Variants in F8 observed in about 807,000 individuals in gnomAD.
The protein encoded by F8 is antihemophilic factor.
Under a neutral mutation model 140.6 loss-of-function variants are expected in F8, and 12 were observed. That is an observed-to-expected ratio of 0.09 (90% CI 0.05 to 0.14). The LOEUF is 0.14. Ranked by LOEUF, F8 falls within the 10% of genes least tolerant of loss-of-function variation. The probability of loss-of-function intolerance (pLI) is 1.00; values close to 1 mark genes in which losing one functional copy is unlikely to be tolerated. For missense variants in F8, 1,354 were observed against 1,720.7 expected, an observed-to-expected ratio of 0.79 and a Z score of 3.77; for synonymous variants, 585 against 614.6, an observed-to-expected ratio of 0.95 and a Z score of 0.71.
chrX:154,930,148 C>T lies in F8; in HGVS notation c.3642G>A (p.Gln1214=). 1 of 1,207,941 alleles carries T rather than the reference C, an allele frequency of 8.3e-7. No individual in the cohort carries two copies. Among genetic ancestry groups the T allele is most frequent in the Non-Finnish European group, 1.1e-6 (1 of 893,556 alleles). The change falls in exon 14 of 26, where the codon CAG becomes CAA. Residue 1214 remains glutamine, a synonymous_variant. Coordinates refer to ENST00000360256, the MANE Select transcript of F8 (RefSeq NM_000132.4). The part of the protein sequence containing the change: ...NNTHNQEKKI[Q]EEIEKKETLI... ...ATGTTTCCTTCTTTTCTATTTCTTCCTGAATTTTTTTTTCTTGATTGTGTG... is the reference window on the plus strand; with the variant it reads ...ATGTTTCCTTCTTTTCTATTTCTTCTTGAATTTTTTTTTCTTGATTGTGTG...
Position 154,917,609 on chromosome X carries a change from G to A in F8, c.5219+10962C>T, listed in dbSNP as rs141276457. Among the ~76,000 whole-genome samples, 10 of 111,888 alleles carry A rather than the reference G, an allele frequency of 8.9e-5. No individual in the cohort carries two copies. The East Asian group carries it at 2.8e-3, about 31-fold the overall frequency. ...AGGCAGTCCTCTAGATCTTGCAAGTGTTCTTCATTCCTTTTAATTATTTTT... is the reference window on the plus strand; with the variant it reads ...AGGCAGTCCTCTAGATCTTGCAAGTATTCTTCATTCCTTTTAATTATTTTT... On this transcript the variant is annotated intron_variant, in intron 14 of 25. Transcript: ENST00000360256.
chrX:154,980,185 T>G (rs2073510190), intron 6 of F8, among the ~76,000 whole-genome samples: 2 of 111,626 alleles, frequency 1.8e-5, no homozygotes, highest in Admixed American at 9.5e-5. Context: ...GGATGAACAC[T>G]AGATGCATCT....
intron 15 of F8, 77 bp from the exon 16 acceptor site, chrX:154,905,100 C>A (rs1178057741): frequency 1.2e-6 from 1 of 813,056 alleles, no homozygotes; most frequent in South Asian, 2.3e-5. Context: ...GTTTACATCC[C>A]TAAAAGAAAT....
intron 2 of F8, among the ~76,000 whole-genome samples, 166 bp from the exon 3 acceptor site, chrX:154,997,261 T>C (rs1276708655): frequency 8.9e-6 from 1 of 112,496 alleles, no homozygotes; most frequent in African/African-American, 3.2e-5. Flanking sequence ...TTATGGTTGC[T>C]CTGAGGCAAG....
At chrX:154,976,541 A>C (rs1447737129) in intron 6 of F8, among the ~76,000 whole-genome samples, 2 of 110,488 alleles carry the variant, frequency 1.8e-5, no homozygotes, top group African/African-American at 6.6e-5. Flanking sequence ...GTCATCTAGC[A>C]TTAGGTATAT....
chrX:154,931,646 T>G lies in F8; in HGVS notation c.2144A>C (p.Asp715Ala). 1 of 1,211,643 alleles carries G rather than the reference T, an allele frequency of 8.3e-7. No individual in the cohort carries two copies. The highest frequency in any genetic ancestry group is 1.1e-6 in the Non-Finnish European group (1 of 895,304). The change falls in exon 14 of 26, where the codon GAC becomes GCC. Residue 715 changes from aspartate (D) to alanine (A), a missense_variant. By Grantham distance (126) the Asp-to-Ala change is moderately radical. Around this residue, in one of 4 missense-constraint regions of F8, gnomAD observed 252 missense variants for 338.5 expected, o/e 0.74. Coordinates refer to ENST00000360256, the MANE Select transcript of F8 (RefSeq NM_000132.4). ...GGCGGTCATGCCTCTGTTCCGAAAG[T>G]CTGAGTTGTGGCACCCCAGAATCCA... ...GLWILGCHNS[D>A]FRNRGMTALL...
chrX:154,930,289 G>A lies in F8; in HGVS notation c.3501C>T (p.Asn1167=). The part of the protein sequence containing the change: ...VEGQNFLSEK[N]KVVVGKGEFT... Reference sequence around the variant, plus strand: ...ATTCACCCTTTCCTACTACCACTTTGTTTTTCTCAGACAAGAAATTCTGAC... The same window carrying A: ...ATTCACCCTTTCCTACTACCACTTTATTTTTCTCAGACAAGAAATTCTGAC... The change falls in exon 14 of 26, where the codon AAC becomes AAT. Residue 1167 remains asparagine, a synonymous_variant. Transcript: ENST00000360256. 2 of 1,211,254 alleles carry A rather than the reference G, an allele frequency of 1.7e-6. No homozygotes were observed. Among genetic ancestry groups the A allele is most frequent in the Non-Finnish European group, 2.2e-6 (2 of 895,290 alleles).
intron 1 of F8, among the ~76,000 whole-genome samples, chrX:155,010,877 C>T: frequency 9.0e-6 from 1 of 111,503 alleles, no homozygotes; most frequent in Non-Finnish European, 1.9e-5. Context: ...GGATCCCCTC[C>T]TCACACCATA....
intron 12 of F8, among the ~76,000 whole-genome samples, chrX:154,952,630 C>A (rs1381722082): frequency 9.1e-6 from 1 of 109,332 alleles, no homozygotes. Context: ...GCAGTCTCCG[C>A]CTTCCGGGTT....
chrX:154,990,593 C>T (rs918530370), intron 4 of F8, among the ~76,000 whole-genome samples: 4 of 111,953 alleles, frequency 3.6e-5, no homozygotes, highest in Admixed American at 1.9e-4. Context: ...ATTCTGTGGG[C>T]GTTAGTTTCA....
chrX:154,984,849 C>A (rs782786578), intron 5 of F8, 46 bp from the exon 6 acceptor site: 1 of 979,505 alleles, frequency 1.0e-6, no homozygotes, highest in South Asian at 1.9e-5. Flanking sequence ...GCATGTGTCT[C>A]ATGAATGACC....
At chrX:154,850,311 TAG>T (rs2072604933) in intron 25 of F8, among the ~76,000 whole-genome samples, 1 of 109,469 alleles carries the variant, frequency 9.1e-6, no homozygotes, top group Non-Finnish European at 1.9e-5. Flanking sequence ...GTATTTTTAG[TAG>T]AGGGGGGTTT....
Position 154,860,414 on chromosome X carries a change from C to T in F8, c.6900+18G>A, listed in dbSNP as rs782792257. 4 of 1,204,667 alleles carry T rather than the reference C, an allele frequency of 3.3e-6. No homozygotes were observed. The Admixed American group carries it at 8.7e-5, about 26-fold the overall frequency. ...ATTTTTTTTCTTTCTTTCTTTCTTT[C>T]CAAGGAGACCAGCTTACCTTTACTT... On this transcript the variant is annotated intron_variant, in intron 25 of 25. Transcript: ENST00000360256.
At chrX:154,940,623 T>C (rs1401081576) in intron 13 of F8, among the ~76,000 whole-genome samples, 5 of 111,907 alleles carry the variant, frequency 4.5e-5, no homozygotes, top group Non-Finnish European at 9.4e-5. Flanking sequence ...TTGCCAAATC[T>C]AGCAAGGCAG....
chrX:154,900,796 T>C (rs1481887028), intron 20 of F8, among the ~76,000 whole-genome samples: 1 of 112,060 alleles, frequency 8.9e-6, no homozygotes, highest in Admixed American at 9.5e-5. Context: ...GTTGCAACTA[T>C]GTTACTGCTG....
At chrX:154,909,284 T>C in intron 14 of F8, 1 of 141,502 alleles carries the variant, frequency 7.1e-6, no homozygotes, top group Non-Finnish European at 1.4e-5. Context: ...GTAGACTTCC[T>C]GGAGAGGTAG....
rs1005956005 is a variant in F8, at chrX:154,836,893, G to T, written c.*704C>A. The T allele has an allele frequency of 2.7e-5, 3 of 112,254 alleles. No individual in the cohort carries two copies. The highest frequency in any genetic ancestry group is 1.9e-4 in the Admixed American group (2 of 10,590). The allele number at this position is 112,254 out of a possible 1,213,427, so 9.3% of individuals were successfully genotyped here. On this transcript the variant is annotated 3_prime_UTR_variant, in exon 26 of 26. Coordinates refer to ENST00000360256, the MANE Select transcript of F8 (RefSeq NM_000132.4). ...AAAAATGCACATTTGCATTTATACA[G>T]AATGCCTTATATAATTTCAGGGGAC...
chrX:155,001,224 G>A (rs925125052), intron 1 of F8, among the ~76,000 whole-genome samples: 25 of 110,292 alleles, frequency 2.3e-4, no homozygotes, highest in African/African-American at 8.2e-4. Context: ...TGGTGAAAAT[G>A]GCTAAATTGG....
intron 14 of F8, among the ~76,000 whole-genome samples, chrX:154,925,447 C>T (rs1313534485): frequency 8.9e-6 from 1 of 112,029 alleles, no homozygotes; most frequent in Non-Finnish European, 1.9e-5. Flanking sequence ...CAGAAACTTG[C>T]ACCAGCATCT....
Sources: gnomAD v4.1 joint callset for allele counts (sites outside exome capture counted in the v4.1 genomes callset) on GRCh38, gnomAD v4.1.1 for gene constraint, gnomAD v4.1.1 regional missense constraint, MANE v1.5 for transcripts, NCBI Gene and HGNC (gene_info 2026-07-23, HGNC 2026-07-21) for gene names.